The following COL4A4 variants were observed in gnomAD, a reference collection of about 807,000 sequenced individuals.
COL4A4 encodes the protein collagen type IV alpha 4 chain.
COL4A4 carries 105 observed loss-of-function variants against 192.9 expected under a neutral mutation model. That is an observed-to-expected ratio of 0.54 (90% CI 0.46 to 0.64). The LOEUF (loss-of-function observed/expected upper bound fraction) is 0.64. Among genes scored for constraint, COL4A4 ranks in the 30% least tolerant of loss-of-function variants. COL4A4 has a pLI of 0.00. For synonymous variants in COL4A4, 762 were observed against 769.9 expected (o/e 0.99, Z 0.17); for missense variants, 1,967 against 2,169.3 (o/e 0.91, Z 1.85).
chr2:227,062,497 G>A (rs750114085), intron 26 of COL4A4, 33 bp downstream of exon 26: 4 of 1,291,474 alleles, frequency 3.1e-6, no homozygotes, highest in East Asian at 2.3e-5. Context: ...ACTCTGGGAA[G>A]TATATAAGAC....
intron 20 of COL4A4, among the ~76,000 whole-genome samples, chr2:227,090,620 T>G (rs1314875175): frequency 1.3e-5 from 2 of 151,630 alleles, no homozygotes; most frequent in African/African-American, 4.8e-5. Flanking sequence ...GCCACGGTGG[T>G]GCGTGCCTGT....
chr2:227,125,813 A>G (rs2062051431), intron 4 of COL4A4, among the ~76,000 whole-genome samples: 2 of 152,134 alleles, frequency 1.3e-5, no homozygotes, highest in African/African-American at 4.8e-5. Flanking sequence ...GTGCCTCTGC[A>G]GTAACACTCT....
At chr2:227,055,889 G>C in intron 30 of COL4A4, 56 bp downstream of exon 30, 1 of 1,492,742 alleles carries the variant, frequency 6.7e-7, no homozygotes, top group Non-Finnish European at 9.3e-7. Flanking sequence ...TCTTCACTTG[G>C]CAGTGGATTT....
At chr2:226,983,787 T>G in the COL4A4 span, among the ~76,000 whole-genome samples, 1 of 152,214 alleles carries the variant, frequency 6.6e-6, no homozygotes, top group Non-Finnish European at 1.5e-5. Context: ...CCCTTGATCC[T>G]TGGTTTGAAG....
At chr2:226,990,324 C>G in the COL4A4 span, among the ~76,000 whole-genome samples, 1 of 152,108 alleles carries the variant, frequency 6.6e-6, no homozygotes, top group African/African-American at 2.4e-5. Context: ...GAACATGGGT[C>G]GCATGCTGCT....
intron 37 of COL4A4, among the ~76,000 whole-genome samples, chr2:227,034,579 A>G (rs1044494080): frequency 6.7e-6 from 1 of 149,818 alleles, no homozygotes; most frequent in African/African-American, 2.5e-5. Flanking sequence ...TAATTTATTT[A>G]TTATACTTTA....
At chr2:227,089,481 A>G (rs1448292839) in intron 21 of COL4A4, among the ~76,000 whole-genome samples, 1 of 151,566 alleles carries the variant, frequency 6.6e-6, no homozygotes, top group Non-Finnish European at 1.5e-5. Flanking sequence ...AGGTCCCACA[A>G]AAATCAAACA....
chr2:227,068,622 G>A (rs915216792), intron 25 of COL4A4, among the ~76,000 whole-genome samples: 2 of 152,066 alleles, frequency 1.3e-5, no homozygotes, highest in African/African-American at 4.8e-5. Flanking sequence ...AAAACCACAT[G>A]ATTATCTCAA....
At position 227,055,758 on chromosome 2, in the gene COL4A4, G is replaced by A. The variant is rs1320406; in HGVS notation, c.2716+187C>T. Among the ~76,000 whole-genome samples, 70,433 of 151,820 alleles carry A rather than the reference G, an allele frequency of 0.46. 16,555 individuals carry two copies. Among genetic ancestry groups the A allele is most frequent in the South Asian group, 0.62 (2,953 of 4,800 alleles). On this transcript the variant is annotated intron_variant, in intron 30 of 47. Coordinates refer to ENST00000396625, the MANE Select transcript of COL4A4 (RefSeq NM_000092.5). ...CTACAAACCCCTTTTCCCATTGACC[G>A]GTACAGAAACATTTCGCCACTGGAA...
At chr2:227,121,606 A>G (rs1162926468) in intron 4 of COL4A4, among the ~76,000 whole-genome samples, 2 of 151,746 alleles carry the variant, frequency 1.3e-5, no homozygotes, top group African/African-American at 4.8e-5. Context: ...GAAAAGATAA[A>G]AGGAAAAGGA....
At chr2:226,998,876 C>T (rs1228163758), downstream of COL4A4, 1 of 152,232 alleles carries the variant, frequency 6.6e-6, no homozygotes, top group African/African-American at 2.4e-5. Flanking sequence ...AGGCTGGTAA[C>T]TAGTCTCACT....
chr2:227,135,788 G>T (rs538264505), intron 4 of COL4A4, among the ~76,000 whole-genome samples: 2 of 152,014 alleles, frequency 1.3e-5, no homozygotes, highest in South Asian at 2.1e-4. Flanking sequence ...GATTACAGGC[G>T]CCCGCCACCA....
intron 38 of COL4A4, 70 bp from the exon 39 acceptor site, chr2:227,032,346 A>C: frequency 6.5e-7 from 1 of 1,541,478 alleles, no homozygotes; most frequent in Non-Finnish European, 8.8e-7. Flanking sequence ...CCTGAAAAGG[A>C]ACCACTTCCC....
chr2:227,041,720 G>A (rs1249674550), intron 37 of COL4A4, among the ~76,000 whole-genome samples: 1 of 39,226 alleles, frequency 2.5e-5, no homozygotes, highest in Non-Finnish European at 4.9e-5. Context: ...AGGAAGGGAG[G>A]AGGAAGGAAG....
chr2:226,977,541 G>T, the COL4A4 span, among the ~76,000 whole-genome samples: 3 of 152,166 alleles, frequency 2.0e-5, no homozygotes, highest in Non-Finnish European at 4.4e-5. Flanking sequence ...ATAATTTGTA[G>T]CCTGCCCCAG....
At chr2:227,038,953 C>CT (rs1310805502) in intron 37 of COL4A4, among the ~76,000 whole-genome samples, 1 of 152,144 alleles carries the variant, frequency 6.6e-6, no homozygotes, top group African/African-American at 2.4e-5. Flanking sequence ...ACCAGTTGTT[C>CT]TCTGAGCTGT....
chr2:227,062,062 A>G (rs1188760483), intron 26 of COL4A4, among the ~76,000 whole-genome samples: 1 of 152,046 alleles, frequency 6.6e-6, no homozygotes, highest in Admixed American at 6.6e-5. Flanking sequence ...ATATGGTGAA[A>G]CCCTGTCTCT....
chr2:227,035,273 G>T (rs1410506338), intron 37 of COL4A4, among the ~76,000 whole-genome samples: 1 of 152,126 alleles, frequency 6.6e-6, no homozygotes, highest in Non-Finnish European at 1.5e-5. Flanking sequence ...ATTTTTATTT[G>T]TATGCCATAT....
chr2:227,091,922 G>GAAAAGAAAAGAAAAGA (rs5839192), intron 20 of COL4A4, among the ~76,000 whole-genome samples: 21 of 60,294 alleles, frequency 3.5e-4, no homozygotes, highest in African/African-American at 9.2e-4. Flanking sequence ...AAGAAAGAAA[G>GAAAAGAAAAGAAAAGA]AAAGAAAAGA....
Sources: allele counts gnomAD v4.1 joint callset (sites outside exome capture counted in the v4.1 genomes callset), GRCh38; gene constraint gnomAD v4.1.1; transcripts MANE v1.5; gene names NCBI Gene and HGNC (gene_info 2026-07-23, HGNC 2026-07-21).